Variants in COL5A1 observed in about 807,000 individuals in gnomAD.
COL5A1 encodes the protein collagen type V alpha 1 chain, also known as collagen alpha-1(V) chain.
COL5A1 carries 16 observed loss-of-function variants against 263.7 expected under a neutral mutation model. The ratio of observed to expected loss-of-function variants is 0.06; its 90% CI spans 0.04 to 0.09. The LOEUF (loss-of-function observed/expected upper bound fraction) is 0.09. COL5A1 is among the 10% of genes least tolerant of loss of function. The pLI is 1.00. For synonymous variants in COL5A1, 1,012 were observed against 1,004.5 expected (o/e 1.01, Z -0.14); for missense variants, 2,036 against 2,540.5 (o/e 0.80, Z 4.27).
rs922634735 is a variant in COL5A1 at position 134,680,171 on chromosome 9, G to T, written c.110-10741G>T. ...TTCAGCAAGGAATGATGAGCTGGGA[G>T]CCATGAACAAGCGCAGTGCCTCTGG... On this transcript the variant is annotated intron_variant, in intron 1 of 65. Coordinates refer to ENST00000371817, the MANE Select transcript of COL5A1 (RefSeq NM_000093.5). The surrounding 1 kb of genome is among the most constrained non-coding windows in gnomAD (Gnocchi z 5.9). 6.6e-6 allele frequency among the ~76,000 whole-genome samples: 1 copy of T among 152,220 alleles called. No individual in the cohort carries two copies. The highest frequency in any genetic ancestry group is 2.4e-5 in the African/African-American group (1 of 41,454).
At position 134,758,418 on chromosome 9, in the gene COL5A1, A is replaced by G. The variant is rs1343352341; in HGVS notation, c.1935+122A>G. 3 of 979,554 alleles carry G rather than the reference A, an allele frequency of 3.1e-6. No individual in the cohort carries two copies. Among genetic ancestry groups the G allele is most frequent in the Non-Finnish European group, 4.8e-6 (3 of 624,710 alleles). The allele number at this position is 979,554 out of a possible 1,614,324, so 60.7% of individuals were successfully genotyped here. A position where few individuals can be genotyped will look rare whatever the true frequency, so the allele number is the denominator to read the frequency against. On this transcript the variant is annotated intron_variant, in intron 18 of 65. Coordinates refer to ENST00000371817, the MANE Select transcript of COL5A1 (RefSeq NM_000093.5). This position sits in a 1 kb window ranked among gnomAD's most constrained non-coding sequence, Gnocchi z 4.1. Reference sequence around the variant, plus strand: ...GGGGTCAGGTCTCCGCCATTCCAACAGTCAGTATACAAACCTCACGGGAGT... The same window carrying G: ...GGGGTCAGGTCTCCGCCATTCCAACGGTCAGTATACAAACCTCACGGGAGT...
At chr9:134,760,576 CCA>C (rs1836349643) in intron 18 of COL5A1, among the ~76,000 whole-genome samples, 1 of 124,812 alleles carries the variant, frequency 8.0e-6, no homozygotes, top group Non-Finnish European at 1.6e-5. Context: ...CCACACACCC[CCA>C]CACTCAGACA....
chr9:134,765,764 C>T lies in COL5A1; in HGVS notation c.2088+30C>T. On this transcript the variant is annotated intron_variant, in intron 21 of 65. Coordinates refer to ENST00000371817, the MANE Select transcript of COL5A1 (RefSeq NM_000093.5). This position sits in a 1 kb window ranked among gnomAD's most constrained non-coding sequence, Gnocchi z 5.1. Reference sequence around the variant, plus strand: ...GTCCCATTACCGCCCTGCTTGTCTGCCCCCATCTCGGCCTTTGAGACCCCG... The same window carrying T: ...GTCCCATTACCGCCCTGCTTGTCTGTCCCCATCTCGGCCTTTGAGACCCCG... 6.2e-7 allele frequency: 1 copy of T among 1,600,318 alleles called. No individual in the cohort carries two copies. The highest frequency in any genetic ancestry group is 8.5e-7 in the Non-Finnish European group (1 of 1,170,008).
Position 134,824,677 on chromosome 9 carries a change from G to T in COL5A1, c.4776G>T (p.Leu1592=), listed in dbSNP as rs369383311. 3.1e-6 allele frequency: 5 copies of T among 1,614,120 alleles called. No individual in the cohort carries two copies. In the South Asian group the frequency reaches 4.4e-5, roughly 14 times the overall value. Residue 1592 remains leucine, a synonymous_variant, in exon 62 of 66, where the codon CTG becomes CTT. Transcript: ENST00000371817. ...RTRRNIDASQ[L]LDDGNGENYV... is the part of the protein sequence containing the mutation. ...GGCGGAACATCGACGCCAGCCAGCTGCTGGACGACGGGAATGGCGAGAACT... is the reference window on the plus strand; with the variant it reads ...GGCGGAACATCGACGCCAGCCAGCTTCTGGACGACGGGAATGGCGAGAACT...
chr9:134,771,397 G>C (rs759440072), intron 25 of COL5A1, among the ~76,000 whole-genome samples: 40 of 152,250 alleles, frequency 2.6e-4, no homozygotes, highest in Non-Finnish European at 5.0e-4. Flanking sequence ...CCGGAAGGCG[G>C]CGTGGTGGCC....
chr9:134,688,986 G>A (rs1833175061), intron 1 of COL5A1, among the ~76,000 whole-genome samples: 1 of 120,808 alleles, frequency 8.3e-6, no homozygotes, highest in African/African-American at 2.6e-5. Context: ...TGGCGGGGGT[G>A]GGGGTGGCAC....
chr9:134,792,911 G>A (rs1564462513), intron 32 of COL5A1, among the ~76,000 whole-genome samples: 1 of 33,612 alleles, frequency 3.0e-5, no homozygotes, highest in African/African-American at 9.9e-5. Flanking sequence ...GTGCACGCGC[G>A]TGTGTGTGCG....
chr9:134,735,603 C>T lies in COL5A1; in HGVS notation c.1390-2871C>T, dbSNP rs534285900. On this transcript the variant is annotated intron_variant, in intron 9 of 65. Coordinates refer to ENST00000371817, the MANE Select transcript of COL5A1 (RefSeq NM_000093.5). ...CTGGGATGATCTGGTGTTGGCTTCCCTGCAAGGTCCCCGCCCGCGTTGCCC... is the reference window on the plus strand; with the variant it reads ...CTGGGATGATCTGGTGTTGGCTTCCTTGCAAGGTCCCCGCCCGCGTTGCCC... 2.8e-3 allele frequency among the ~76,000 whole-genome samples: 422 copies of T among 152,318 alleles called. 1 individual carries two copies. Among genetic ancestry groups the T allele is most frequent in the African/African-American group, 9.9e-3 (410 of 41,580 alleles).
At chr9:134,766,266 A>G (rs750139225) in intron 21 of COL5A1, among the ~76,000 whole-genome samples, 188 bp from the exon 22 acceptor site, 29 of 152,142 alleles carry the variant, frequency 1.9e-4, no homozygotes, top group Non-Finnish European at 3.5e-4. Flanking sequence ...GCTGAGGGTT[A>G]CTGGGGCTGA....
At chr9:134,816,476 G>C (rs960600487) in intron 52 of COL5A1, among the ~76,000 whole-genome samples, 4 of 152,258 alleles carry the variant, frequency 2.6e-5, no homozygotes, top group African/African-American at 9.6e-5. Context: ...GACTGGGCCT[G>C]GAGGAGGCCC....
chr9:134,701,549 G>A (rs769158115), intron 4 of COL5A1, among the ~76,000 whole-genome samples: 2 of 152,216 alleles, frequency 1.3e-5, no homozygotes, highest in South Asian at 2.1e-4. Context: ...TGTAGGCCGC[G>A]TGGGGATGGC....
In COL5A1 at chr9:134,699,952, A is replaced by G; in HGVS notation, c.321A>G (p.Lys107=). Residue 107 remains lysine, a synonymous_variant, in exon 3 of 66, where the codon AAA becomes AAG. Transcript: ENST00000371817. ...PEDFSILTTV[K]AKKGSQAFLV... is the part of the protein sequence containing the mutation. ...ACTTCTCCATCCTAACAACTGTGAA[A>G]GCCAAGAAAGGCAGCCAGGCCTTCC... 6.2e-7 allele frequency: 1 copy of G among 1,613,990 alleles called. No individual in the cohort carries two copies. The highest frequency in any genetic ancestry group is 8.5e-7 in the Non-Finnish European group (1 of 1,180,038).
intron 4 of COL5A1, among the ~76,000 whole-genome samples, chr9:134,713,716 C>T (rs1490608271): frequency 6.6e-6 from 1 of 152,138 alleles, no homozygotes; most frequent in African/African-American, 2.4e-5. Context: ...TGTGGTGTGG[C>T]GGCCACAGGA....
chr9:134,688,190 G>GGA (rs1006678105), intron 1 of COL5A1, among the ~76,000 whole-genome samples: 4 of 152,214 alleles, frequency 2.6e-5, no homozygotes, highest in African/African-American at 7.2e-5. Context: ...CTGCGAACAT[G>GGA]TCCACCAAGC....
chr9:134,795,564 G>A (rs1221123015), intron 34 of COL5A1, among the ~76,000 whole-genome samples: 3 of 152,152 alleles, frequency 2.0e-5, no homozygotes, highest in Admixed American at 1.3e-4. Flanking sequence ...ACAGGGCCTC[G>A]CCCCAACACC....
intron 4 of COL5A1, among the ~76,000 whole-genome samples, chr9:134,704,832 G>C (rs967280225): frequency 6.6e-6 from 1 of 151,560 alleles, no homozygotes; most frequent in Non-Finnish European, 1.5e-5. Flanking sequence ...GAGGAAGTTC[G>C]GTGAGTTGGC....
At chr9:134,783,667 C>A (rs914114628) in intron 29 of COL5A1, among the ~76,000 whole-genome samples, 1 of 152,158 alleles carries the variant, frequency 6.6e-6, no homozygotes, top group Non-Finnish European at 1.5e-5. Flanking sequence ...AGGTGGCTTT[C>A]CAGAACAGGA....
rs1564383442 is a variant in COL5A1, at chr9:134,681,460, T to A, written c.110-9452T>A. The stretch of plus-strand genomic sequence containing the variant: ...ACACACGCTGCCCATGGAACACACA[T>A]AGCAGGGATATGGTTCCAGTGATGG... On this transcript the variant is annotated intron_variant, in intron 1 of 65. Transcript: ENST00000371817. The surrounding 1 kb of genome is among the most constrained non-coding windows in gnomAD (Gnocchi z 4.3). Among the ~76,000 whole-genome samples the A allele has an allele frequency of 6.6e-6, 1 of 152,136 alleles. No homozygotes were observed. The highest frequency in any genetic ancestry group is 1.5e-5 in the Non-Finnish European group (1 of 68,026).
In COL5A1 at chr9:134,835,169, A is replaced by G. The variant is rs780400029; in HGVS notation, c.5335A>G (p.Asn1779Asp). ...SNDEEMSYDNNPYIRALVDGC... is the reference protein window; with the variant it reads ...SNDEEMSYDNDPYIRALVDGC... ...CGACGAGGAGATGTCCTATGACAAC[A>G]ACCCCTACATCCGCGCCCTGGTGGA... Residue 1779 changes from asparagine to aspartate, a missense_variant, in exon 65 of 66, where the codon AAC (asparagine) becomes GAC (aspartate). Asn to Asp is a conservative substitution (Grantham distance 23). This residue lies in a region of COL5A1 where 358 missense variants were observed against 384.6 expected (regional missense o/e 0.93). Transcript: ENST00000371817. The G allele has an allele frequency of 4.8e-5, 78 of 1,613,806 alleles. No homozygotes were observed. In the East Asian group the frequency reaches 1.6e-3, roughly 32 times the overall value.
Sources: allele counts gnomAD v4.1 joint callset (sites outside exome capture counted in the v4.1 genomes callset), GRCh38; gene constraint gnomAD v4.1.1; regional missense constraint gnomAD v4.1.1; non-coding constraint Gnocchi (gnomAD v3.1); transcripts MANE v1.5; gene names NCBI Gene and HGNC (gene_info 2026-07-23, HGNC 2026-07-21).